The following ISX variants were observed in gnomAD, a reference collection of about 807,000 sequenced individuals.
ISX encodes the protein intestine-specific homeobox.
Under a neutral mutation model 16.9 loss-of-function variants are expected in ISX, and 15 were observed. That is an observed-to-expected ratio of 0.89 (90% CI 0.59 to 1.36). The LOEUF is 1.36. Among genes scored for constraint, ISX ranks in the 40% most tolerant of loss-of-function variants. The probability of loss-of-function intolerance (pLI) is 0.00; values close to 1 mark genes in which losing one functional copy is unlikely to be tolerated. For synonymous variants in ISX, 125 were observed against 119.7 expected, an observed-to-expected ratio of 1.04 and a Z score of -0.29; for missense variants, 316 against 306.1, an observed-to-expected ratio of 1.03 and a Z score of -0.24.
At position 35,082,575 on chromosome 22, in the gene ISX, A is replaced by T; in HGVS notation, c.287A>T (p.Glu96Val). The T allele has an allele frequency of 6.2e-7, 1 of 1,614,176 alleles. No individual in the cohort carries two copies. The highest frequency in any genetic ancestry group is 8.5e-7 in the Non-Finnish European group (1 of 1,180,014). The change falls in exon 3 of 5, where the codon GAG becomes GTG. Residue 96 changes from glutamate (E) to valine (V), a missense_variant. Transcript: ENST00000404699. Reference sequence around the variant, plus strand: ...ACCTTCACCACTGAGCAGCTGCATGAGCTGGAGAAGATCTTCCACTTTACC... The same window carrying T: ...ACCTTCACCACTGAGCAGCTGCATGTGCTGGAGAAGATCTTCCACTTTACC... ...RTTFTTEQLH[E>V]LEKIFHFTHY...
chr22:35,082,488 C>T, intron 2 of ISX, 30 bp from the exon 3 acceptor site: 1 of 1,609,778 alleles, frequency 6.2e-7, no homozygotes, highest in African/African-American at 1.3e-5. Flanking sequence ...ACCAAGGCCA[C>T]TGACACAACT....
At chr22:35,071,887 C>A (rs540697566) in intron 2 of ISX, among the ~76,000 whole-genome samples, 1 of 152,266 alleles carries the variant, frequency 6.6e-6, no homozygotes, top group South Asian at 2.1e-4. Context: ...AGCCCTCCTC[C>A]TCCCCTGAAC....
rs5995053 is a variant in ISX, at chr22:35,078,239, C to A, written c.230-4279C>A. Among the ~76,000 whole-genome samples the A allele has an allele frequency of 2.2e-4, 33 of 151,208 alleles. 1 individual carries two copies. Among genetic ancestry groups the A allele is most frequent in the African/African-American group, 6.1e-4 (25 of 40,994 alleles). On this transcript the variant is annotated intron_variant, in intron 2 of 4. Transcript: ENST00000404699. Reference sequence around the variant, plus strand: ...TACTATCATCTAATATGCTGACTGACTGAATGAATGAAGGAGTAAATCCAA... The same window carrying A: ...TACTATCATCTAATATGCTGACTGAATGAATGAATGAAGGAGTAAATCCAA...
intron 3 of ISX, among the ~76,000 whole-genome samples, chr22:35,083,255 CA>C (rs1309208946): frequency 5.3e-5 from 8 of 152,104 alleles, no homozygotes. Flanking sequence ...ATGAACCATT[CA>C]AAAACAGGTG....
intron 2 of ISX, 101 bp downstream of exon 2, chr22:35,067,417 G>A (rs542129575): frequency 7.7e-5 from 61 of 796,272 alleles, no homozygotes; most frequent in Admixed American, 2.3e-4. Context: ...CTGGATAGAG[G>A]ACTCTAAAAT....
chr22:35,069,957 T>C (rs892654816), intron 2 of ISX, among the ~76,000 whole-genome samples: 1 of 152,146 alleles, frequency 6.6e-6, no homozygotes, highest in African/African-American at 2.4e-5. Context: ...TGACTCTAAG[T>C]GAAAAGGCCC....
intron 4 of ISX, 128 bp from the exon 5 acceptor site, chr22:35,085,326 C>T (rs1361123959): frequency 3.4e-6 from 4 of 1,173,796 alleles, no homozygotes; most frequent in Admixed American, 1.8e-5. Context: ...CCCAGAAGGT[C>T]CTGAGCAAAC....
At chr22:35,083,073 A>G (rs1340353571) in intron 3 of ISX, among the ~76,000 whole-genome samples, 1 of 152,266 alleles carries the variant, frequency 6.6e-6, no homozygotes, top group Non-Finnish European at 1.5e-5. Context: ...CGTCAGTGTC[A>G]GAGCAACTGT....
rs1446262054 is a variant in ISX, at chr22:35,067,327, T to C, written c.229+11T>C. The C allele has an allele frequency of 6.5e-7, 1 of 1,529,720 alleles. No individual in the cohort carries two copies. The highest frequency in any genetic ancestry group is 8.9e-7 in the Non-Finnish European group (1 of 1,129,086). The allele number at this position is 1,529,720 out of a possible 1,614,324, so 94.8% of individuals were successfully genotyped here. A position where few individuals can be genotyped will look rare whatever the true frequency, so the allele number is the denominator to read the frequency against. On this transcript the variant is annotated intron_variant, in intron 2 of 4. Coordinates refer to ENST00000404699, the MANE Select transcript of ISX (RefSeq NM_001303508.2). Reference sequence around the variant, plus strand: ...AGGACCAGCCCCAGGGTAAGTGTCTTCTGATCATTTCTTTCTGTTTCCTGG... The same window carrying C: ...AGGACCAGCCCCAGGGTAAGTGTCTCCTGATCATTTCTTTCTGTTTCCTGG...
chr22:35,072,153 C>A (rs2146288575), intron 2 of ISX, among the ~76,000 whole-genome samples: 1 of 152,298 alleles, frequency 6.6e-6, no homozygotes, highest in African/African-American at 2.4e-5. Context: ...TTCCTGGCAC[C>A]AGAGCTATGG....
intron 2 of ISX, among the ~76,000 whole-genome samples, chr22:35,077,723 T>A (rs1443637955): frequency 6.6e-6 from 1 of 152,174 alleles, no homozygotes; most frequent in Admixed American, 6.5e-5. Flanking sequence ...AGGCTATGAC[T>A]TGGCAGGCAG....
At chr22:35,069,227 T>C (rs1361528394) in intron 2 of ISX, among the ~76,000 whole-genome samples, 1 of 152,212 alleles carries the variant, frequency 6.6e-6, no homozygotes, top group African/African-American at 2.4e-5. Context: ...AACACAAAAG[T>C]CTATTTGGGA....
chr22:35,082,628 C>G lies in ISX; in HGVS notation c.340C>G (p.Gln114Glu), dbSNP rs531161163. The change falls in exon 3 of 5, where the codon CAG becomes GAG. Residue 114 changes from glutamine (Q) to glutamate (E), a missense_variant. Coordinates refer to ENST00000404699, the MANE Select transcript of ISX (RefSeq NM_001303508.2). ...THYPDVHIRS[Q>E]LAARINLPEA... ...CTACCCAGACGTTCACATCCGCAGCCAGCTGGCAGCCAGGATCAACCTCCC... is the reference window on the plus strand; with the variant it reads ...CTACCCAGACGTTCACATCCGCAGCGAGCTGGCAGCCAGGATCAACCTCCC... 1 of 1,614,174 alleles carries G rather than the reference C, an allele frequency of 6.2e-7. No individual in the cohort carries two copies. Among genetic ancestry groups the G allele is most frequent in the African/African-American group, 1.3e-5 (1 of 75,058 alleles).
At chr22:35,072,444 A>G (rs1928880060) in intron 2 of ISX, among the ~76,000 whole-genome samples, 1 of 152,260 alleles carries the variant, frequency 6.6e-6, no homozygotes. Context: ...GAGTAACTGA[A>G]GCTCAAATCC....
In ISX at chr22:35,086,017, C is replaced by T. The variant is rs147940646; in HGVS notation, c.*324C>T. 5.7e-4 allele frequency: 221 copies of T among 386,212 alleles called. 1 individual carries two copies. The highest frequency in any genetic ancestry group is 9.3e-4 in the Non-Finnish European group (190 of 204,196). The allele number at this position is 386,212 out of a possible 1,614,324, so 23.9% of individuals were successfully genotyped here. ...TCTAACTTGCTGTGTGACCTCCAGC[C>T]GGTCACTCACCCTCTCTGGACCTCA... On this transcript the variant is annotated 3_prime_UTR_variant, in exon 5 of 5. Coordinates refer to ENST00000404699, the MANE Select transcript of ISX (RefSeq NM_001303508.2).
intron 2 of ISX, among the ~76,000 whole-genome samples, chr22:35,076,563 G>T (rs1489292915): frequency 6.6e-6 from 1 of 152,114 alleles, no homozygotes; most frequent in Non-Finnish European, 1.5e-5. Context: ...GGGGGCCCTG[G>T]GTGTCCTCCA....
Position 35,085,657 on chromosome 22 carries a change from C to T in ISX, c.702C>T (p.His234=). The change falls in exon 5 of 5, where the codon CAC becomes CAT. Residue 234 remains histidine, a synonymous_variant. Coordinates refer to ENST00000404699, the MANE Select transcript of ISX (RefSeq NM_001303508.2). The part of the protein sequence containing the change: ...IPVLCILPPP[H]PKWGSICATS... ...TGCTATGCATCCTTCCACCTCCACA[C>T]CCCAAATGGGGCAGCATCTGTGCTA... is the stretch of plus-strand genomic sequence containing the variant. 1 of 1,614,218 alleles carries T rather than the reference C, an allele frequency of 6.2e-7. No homozygotes were observed. Among genetic ancestry groups the T allele is most frequent in the Non-Finnish European group, 8.5e-7 (1 of 1,180,022 alleles).
chr22:35,085,429 C>G, intron 4 of ISX, 25 bp from the exon 5 acceptor site: 3 of 1,613,806 alleles, frequency 1.9e-6, no homozygotes, highest in African/African-American at 1.3e-5. Context: ...ACTCACTTCT[C>G]TCTCCTGACC....
intron 2 of ISX, among the ~76,000 whole-genome samples, chr22:35,071,692 C>G (rs1298083645): frequency 1.3e-5 from 2 of 152,202 alleles, no homozygotes; most frequent in African/African-American, 4.8e-5. Flanking sequence ...CAACTGTCAG[C>G]TCCCAGTCGG....
Sources: gnomAD v4.1 joint callset for allele counts (sites outside exome capture counted in the v4.1 genomes callset) on GRCh38, gnomAD v4.1.1 for gene constraint, MANE v1.5 for transcripts, NCBI Gene and HGNC (gene_info 2026-07-23, HGNC 2026-07-21) for gene names.